Variants in TRAF3 observed in about 807,000 individuals in gnomAD.
TRAF3 encodes TNF receptor associated factor 3, also known as TNF receptor-associated factor 3.
Under a neutral mutation model 62.3 loss-of-function variants are expected in TRAF3, and 13 were observed. The observed-to-expected ratio is 0.21, with a 90% CI of 0.14 to 0.33. The LOEUF (loss-of-function observed/expected upper bound fraction) is 0.33, where lower values mean the gene tolerates loss of function less well. Among genes scored for constraint, TRAF3 ranks in the 10% least tolerant of loss-of-function variants. The pLI, the probability that TRAF3 is intolerant of heterozygous loss-of-function variation, is 1.00. For synonymous variants in TRAF3, 269 were observed against 283.4 expected, an observed-to-expected ratio of 0.95 and a Z score of 0.51; for missense variants, 440 against 741.8, an observed-to-expected ratio of 0.59 and a Z score of 4.73.
intron 1 of TRAF3, among the ~76,000 whole-genome samples, chr14:102,793,043 CAT>C (rs1897889420): frequency 6.6e-6 from 1 of 152,084 alleles, no homozygotes. Flanking sequence ...CACGTGGTCT[CAT>C]GTGATCCACC....
chr14:102,854,068 A>T (rs1465693833), intron 2 of TRAF3, among the ~76,000 whole-genome samples: 2 of 152,146 alleles, frequency 1.3e-5, no homozygotes, highest in Admixed American at 1.3e-4. Flanking sequence ...GACTTCTATA[A>T]CTTACATAAT....
intron 1 of TRAF3, among the ~76,000 whole-genome samples, chr14:102,822,478 A>G (rs980908673): frequency 4.6e-5 from 7 of 152,260 alleles, no homozygotes; most frequent in Non-Finnish European, 7.3e-5. Context: ...ATGCAGTATC[A>G]TAAAAAGAAT....
intron 1 of TRAF3, among the ~76,000 whole-genome samples, chr14:102,778,724 T>TG (rs1487487926): frequency 2.0e-5 from 3 of 152,340 alleles, no homozygotes; most frequent in Admixed American, 2.0e-4. Flanking sequence ...TTATTTTTTT[T>TG]CCTAGCATTT....
intron 2 of TRAF3, among the ~76,000 whole-genome samples, chr14:102,855,836 A>G (rs1218865945): frequency 6.6e-6 from 1 of 151,798 alleles, no homozygotes; most frequent in Non-Finnish European, 1.5e-5. Flanking sequence ...TCATGCCTGT[A>G]ATTCCAACAT....
At chr14:102,904,895 T>C (rs1012959827) in intron 11 of TRAF3, among the ~76,000 whole-genome samples, 4 of 150,914 alleles carry the variant, frequency 2.7e-5, no homozygotes, top group Non-Finnish European at 5.9e-5. Context: ...GTGGATCACC[T>C]GAGGTCAGAA....
chr14:102,852,071 CA>C (rs1431393450), intron 2 of TRAF3, among the ~76,000 whole-genome samples: 7 of 151,532 alleles, frequency 4.6e-5, no homozygotes, highest in Non-Finnish European at 1.5e-5. Context: ...GAAATAACCT[CA>C]AAAGAAAAAA....
rs779404357 is a variant in TRAF3, at chr14:102,870,224, A to T, written c.23A>T (p.Asp8Val). Residue 8 changes from aspartate to valine, a missense_variant, in exon 3 of 12, where the codon GAC (aspartate) becomes GTC (valine). By Grantham distance (152) the Asp-to-Val change is radical. Around this residue, in one of 6 missense-constraint regions of TRAF3, gnomAD observed 40 missense variants for 38.3 expected, o/e 1.05. Coordinates refer to ENST00000392745, the MANE Select transcript of TRAF3 (RefSeq NM_145725.3). ...AAAATGGAGTCGAGTAAAAAGATGG[A>T]CTCTCCTGGCGCGCTGCAGACTAAC... MESSKKM[D>V]SPGALQTNPP... 7 of 1,613,534 alleles carry T rather than the reference A, an allele frequency of 4.3e-6. No individual in the cohort carries two copies. Among genetic ancestry groups the T allele is most frequent in the Non-Finnish European group, 5.9e-6 (7 of 1,179,916 alleles).
intron 1 of TRAF3, among the ~76,000 whole-genome samples, chr14:102,797,861 C>T (rs558211211): frequency 6.6e-6 from 1 of 152,112 alleles, no homozygotes; most frequent in East Asian, 1.9e-4. Flanking sequence ...CCTCAGCTTC[C>T]CGAGTAGCTG....
chr14:102,793,825 C>T (rs1363261342), intron 1 of TRAF3, among the ~76,000 whole-genome samples: 1 of 152,200 alleles, frequency 6.6e-6, no homozygotes, highest in Non-Finnish European at 1.5e-5. Flanking sequence ...AAGAAACCAC[C>T]CTAAACATCA....
chr14:102,822,235 A>G (rs1164338013), intron 1 of TRAF3, among the ~76,000 whole-genome samples: 1 of 152,202 alleles, frequency 6.6e-6, no homozygotes, highest in Non-Finnish European at 1.5e-5. Context: ...GTGAAGCACA[A>G]TGGGAAGGCT....
At position 102,903,447 on chromosome 14, in the gene TRAF3, GC is replaced by G; in HGVS notation, c.1135+20del. The G allele has an allele frequency of 6.2e-7, 1 of 1,613,112 alleles. No homozygotes were observed. The highest frequency in any genetic ancestry group is 8.5e-7 in the Non-Finnish European group (1 of 1,179,752). Reference sequence around the variant, plus strand: ...GAACACAGGTGAGGCAGGGGCCGGGGCCGGGCCAGCAGTGTGCATCTGGGCC... The same window carrying G: ...GAACACAGGTGAGGCAGGGGCCGGGGCGGGCCAGCAGTGTGCATCTGGGCC... On this transcript the variant is annotated intron_variant, in intron 11 of 11. Transcript: ENST00000392745. The surrounding 1 kb of genome is among the most constrained non-coding windows in gnomAD (Gnocchi z 6.4).
At chr14:102,893,345 G>T (rs569122646) in intron 9 of TRAF3, among the ~76,000 whole-genome samples, 3 of 150,272 alleles carry the variant, frequency 2.0e-5, no homozygotes, top group Admixed American at 6.6e-5. Context: ...AGCCAAGATC[G>T]CGCCACTGCA....
chr14:102,867,781 A>T (rs1300152789), intron 2 of TRAF3, among the ~76,000 whole-genome samples: 1 of 152,210 alleles, frequency 6.6e-6, no homozygotes, highest in Admixed American at 6.5e-5. Context: ...TTTGTAAGCA[A>T]ATGACATCTA....
intron 7 of TRAF3, among the ~76,000 whole-genome samples, chr14:102,888,765 C>T (rs1314123732): frequency 6.6e-6 from 1 of 152,234 alleles, no homozygotes; most frequent in Non-Finnish European, 1.5e-5. Flanking sequence ...AACTATACCT[C>T]ATTTGTATTA....
At chr14:102,820,285 C>T (rs975351932) in intron 1 of TRAF3, among the ~76,000 whole-genome samples, 5 of 151,866 alleles carry the variant, frequency 3.3e-5, no homozygotes, top group African/African-American at 1.2e-4. Flanking sequence ...TCTGGCTGCC[C>T]GGGTCCAAGG....
chr14:102,809,979 C>T (rs982619646), intron 1 of TRAF3, among the ~76,000 whole-genome samples: 39 of 152,100 alleles, frequency 2.6e-4, no homozygotes, highest in Admixed American at 1.3e-4. Flanking sequence ...CACGGCATGG[C>T]AGTAGTATCT....
At chr14:102,844,414 A>T (rs551355076) in intron 2 of TRAF3, among the ~76,000 whole-genome samples, 1 of 152,288 alleles carries the variant, frequency 6.6e-6, no homozygotes, top group East Asian at 1.9e-4. Flanking sequence ...AAAGAGGGAG[A>T]ATCTCTATAA....
intron 1 of TRAF3, among the ~76,000 whole-genome samples, chr14:102,798,631 C>G (rs1272937429): frequency 6.6e-6 from 1 of 152,118 alleles, no homozygotes; most frequent in Non-Finnish European, 1.5e-5. Flanking sequence ...CAGAGCGAGA[C>G]CCTGTCTCAA....
At chr14:102,895,066 T>C (rs776124581) in intron 9 of TRAF3, 3 of 455,652 alleles carry the variant, frequency 6.6e-6, no homozygotes, top group Non-Finnish European at 1.3e-5. Context: ...ATGTCATCTT[T>C]TTGCAGGGAT....
Sources: gnomAD v4.1 joint callset for allele counts (sites outside exome capture counted in the v4.1 genomes callset) on GRCh38, gnomAD v4.1.1 for gene constraint, gnomAD v4.1.1 regional missense constraint, Gnocchi (gnomAD v3.1) non-coding constraint, MANE v1.5 for transcripts, NCBI Gene and HGNC (gene_info 2026-07-23, HGNC 2026-07-21) for gene names.